The following SLIT3 variants were observed in gnomAD, a reference collection of about 807,000 sequenced individuals.
SLIT3 encodes the protein slit guidance ligand 3.
In SLIT3, 68 loss-of-function variants were observed where a neutral mutation model predicts 184.0. That is an observed-to-expected ratio of 0.37 (90% CI 0.30 to 0.45). SLIT3 has a LOEUF of 0.45. SLIT3 is among the 20% of genes least tolerant of loss of function. SLIT3 has a pLI of 1.00. For missense variants in SLIT3, 1,707 were observed against 2,026.0 expected, an observed-to-expected ratio of 0.84 and a Z score of 3.02; for synonymous variants, 831 against 828.6, an observed-to-expected ratio of 1.00 and a Z score of -0.05.
intron 4 of SLIT3, among the ~76,000 whole-genome samples, chr5:168,908,184 C>A (rs1358433327): frequency 2.0e-5 from 3 of 151,950 alleles, no homozygotes; most frequent in African/African-American, 7.3e-5. Flanking sequence ...TTGCAGTAAG[C>A]ATTTTCCATG....
rs549373066 is a variant in SLIT3, at chr5:169,288,303, C to A, written c.197+12210G>T. 1.1e-3 allele frequency among the ~76,000 whole-genome samples: 171 copies of A among 152,232 alleles called. 1 individual carries two copies. Among genetic ancestry groups the A allele is most frequent in the African/African-American group, 3.9e-3 (164 of 41,560 alleles). On this transcript the variant is annotated intron_variant, in intron 1 of 35. Coordinates refer to ENST00000519560, the MANE Select transcript of SLIT3 (RefSeq NM_003062.4). ...TTTGCCAGCTAGCTGCAGAGGCATA[C>A]TTGAATGCTTTCTCAGATACAATTG... is the stretch of plus-strand genomic sequence containing the variant.
intron 4 of SLIT3, among the ~76,000 whole-genome samples, chr5:169,138,443 C>T (rs1219425332): frequency 1.3e-5 from 2 of 152,172 alleles, no homozygotes; most frequent in South Asian, 2.1e-4. Context: ...CCTGTCTTCT[C>T]CTGCTGCCCC....
In SLIT3 at chr5:168,704,145, T is replaced by C. The variant is rs117955949; in HGVS notation, c.2845-3466A>G. On this transcript the variant is annotated intron_variant, in intron 26 of 35. Coordinates refer to ENST00000519560, the MANE Select transcript of SLIT3 (RefSeq NM_003062.4). ...AGGCCTGACCTCGGATCTAATGAACTAGAACTTGCATTTTAATAAGCTCTC... is the reference window on the plus strand; with the variant it reads ...AGGCCTGACCTCGGATCTAATGAACCAGAACTTGCATTTTAATAAGCTCTC... Among the ~76,000 whole-genome samples the C allele has an allele frequency of 3.3e-5, 5 of 151,982 alleles. No homozygotes were observed. In the East Asian group the frequency reaches 9.7e-4, roughly 29 times the overall value.
chr5:169,198,168 T>C (rs2113480906), intron 3 of SLIT3, among the ~76,000 whole-genome samples: 2 of 152,346 alleles, frequency 1.3e-5, no homozygotes, highest in East Asian at 1.9e-4. Context: ...ATGAATAAGA[T>C]ACAGCCCCTT....
chr5:168,711,126 C>T (rs1762546027), intron 24 of SLIT3, 68 bp from the exon 25 acceptor site: 1 of 1,372,846 alleles, frequency 7.3e-7, no homozygotes, highest in African/African-American at 1.5e-5. Context: ...ATCCTTGGCT[C>T]TCTGGAAATG....
intron 4 of SLIT3, among the ~76,000 whole-genome samples, chr5:169,189,679 C>T (rs1019054393): frequency 6.6e-6 from 1 of 151,192 alleles, no homozygotes; most frequent in African/African-American, 2.4e-5. Flanking sequence ...AATGCAGACT[C>T]TGGAGTCAGG....
At chr5:169,251,221 T>A (rs969458195) in intron 2 of SLIT3, among the ~76,000 whole-genome samples, 167 bp downstream of exon 2, 1 of 152,206 alleles carries the variant, frequency 6.6e-6, no homozygotes, top group East Asian at 1.9e-4. Flanking sequence ...ACACAGAATG[T>A]GATACCTGTA....
intron 4 of SLIT3, among the ~76,000 whole-genome samples, chr5:169,104,757 G>A (rs944661489): frequency 3.3e-5 from 5 of 152,172 alleles, no homozygotes; most frequent in African/African-American, 1.2e-4. Flanking sequence ...CTGGGAACCA[G>A]ACAAGGTTGT....
At chr5:169,016,956 A>G (rs1756406874) in intron 4 of SLIT3, among the ~76,000 whole-genome samples, 1 of 152,208 alleles carries the variant, frequency 6.6e-6, no homozygotes, top group Non-Finnish European at 1.5e-5. Context: ...GTCACAGAGC[A>G]AGAGTGGGGT....
intron 4 of SLIT3, among the ~76,000 whole-genome samples, chr5:169,057,645 C>T (rs747139913): frequency 2.0e-5 from 3 of 152,116 alleles, no homozygotes; most frequent in South Asian, 2.1e-4. Flanking sequence ...CGGCACTGGC[C>T]GAATGTGGAA....
intron 4 of SLIT3, among the ~76,000 whole-genome samples, chr5:169,121,249 C>T (rs957405178): frequency 6.6e-6 from 1 of 152,166 alleles, no homozygotes; most frequent in Non-Finnish European, 1.5e-5. Flanking sequence ...TTAGGAACTC[C>T]AATACCTTAA....
chr5:169,277,046 C>T (rs2113640914), intron 1 of SLIT3, among the ~76,000 whole-genome samples: 1 of 152,254 alleles, frequency 6.6e-6, no homozygotes. Context: ...GAACCCTGTA[C>T]CCATTCAGCC....
chr5:169,289,952 C>T lies in SLIT3; in HGVS notation c.197+10561G>A, dbSNP rs145622068. On this transcript the variant is annotated intron_variant, in intron 1 of 35. Coordinates refer to ENST00000519560, the MANE Select transcript of SLIT3 (RefSeq NM_003062.4). ...ATGCTAGAACATACACCAGGGCATA[C>T]GCTAAGGCACACACTAGGGAATATG... Among the ~76,000 whole-genome samples, 290 of 150,744 alleles carry T rather than the reference C, an allele frequency of 1.9e-3. 3 individuals carry two copies. Among genetic ancestry groups the T allele is most frequent in the African/African-American group, 6.5e-3 (266 of 40,932 alleles).
rs544473918 is a variant in SLIT3 at position 168,988,780 on chromosome 5, C to G, written c.414-105444G>C. 1.3e-3 allele frequency among the ~76,000 whole-genome samples: 199 copies of G among 152,276 alleles called. 1 individual carries two copies. Among genetic ancestry groups the G allele is most frequent in the Middle Eastern group, 6.8e-3 (2 of 294 alleles). On this transcript the variant is annotated intron_variant, in intron 4 of 35. Coordinates refer to ENST00000519560, the MANE Select transcript of SLIT3 (RefSeq NM_003062.4). Reference sequence around the variant, plus strand: ...AGGAGAATCAACTAGGAGACCCCCCCCCAGGGGCAGGCAGCACTAGAATTG... The same window carrying G: ...AGGAGAATCAACTAGGAGACCCCCCGCCAGGGGCAGGCAGCACTAGAATTG...
chr5:168,746,024 T>C (rs376035347), intron 20 of SLIT3, among the ~76,000 whole-genome samples: 4 of 152,360 alleles, frequency 2.6e-5, no homozygotes, highest in African/African-American at 9.6e-5. Flanking sequence ...TTGGTTTTTT[T>C]CCAACACAAT....
intron 4 of SLIT3, among the ~76,000 whole-genome samples, chr5:169,179,963 A>G (rs1306013670): frequency 2.0e-5 from 3 of 152,170 alleles, no homozygotes; most frequent in African/African-American, 7.2e-5. Context: ...CTTACAATCT[A>G]TGGGGGGATG....
At chr5:169,243,662 T>C (rs1361920457) in intron 3 of SLIT3, among the ~76,000 whole-genome samples, 1 of 152,188 alleles carries the variant, frequency 6.6e-6, no homozygotes, top group African/African-American at 2.4e-5. Context: ...ATGGCACATC[T>C]CAAAGCTAAC....
rs143047334 is a variant in SLIT3, at chr5:168,666,520, C to T, written c.4506G>A (p.Thr1502=). ...SKRRKYVFQC[T]DGSSFVEEVE... ...CCTCTTCTACAAACGAGGAGCCGTCCGTGCACTGGAAGACGTATTTCCGCC... is the reference window on the plus strand; with the variant it reads ...CCTCTTCTACAAACGAGGAGCCGTCTGTGCACTGGAAGACGTATTTCCGCC... Residue 1502 remains threonine, a synonymous_variant, in exon 36 of 36, where the codon ACG becomes ACA. Coordinates refer to ENST00000519560, the MANE Select transcript of SLIT3 (RefSeq NM_003062.4). 7,676 of 1,611,708 alleles carry T rather than the reference C, an allele frequency of 4.8e-3. 27 individuals are homozygous for T. Among genetic ancestry groups the T allele is most frequent in the Non-Finnish European group, 5.8e-3 (6,842 of 1,179,126 alleles).
At chr5:168,724,727 T>G (rs1003149495) in intron 20 of SLIT3, among the ~76,000 whole-genome samples, 2 of 151,790 alleles carry the variant, frequency 1.3e-5, no homozygotes, top group Non-Finnish European at 2.9e-5. Flanking sequence ...TTGTCTAAAA[T>G]TGCCCACCGT....
Sources: allele counts gnomAD v4.1 joint callset (sites outside exome capture counted in the v4.1 genomes callset), GRCh38; gene constraint gnomAD v4.1.1; transcripts MANE v1.5; gene names NCBI Gene and HGNC (gene_info 2026-07-23, HGNC 2026-07-21).